Variants in PCDHGB5 observed in about 807,000 individuals in gnomAD.
PCDHGB5 encodes the protein protocadherin gamma subfamily B, 5.
PCDHGB5 carries 48 observed loss-of-function variants against 62.9 expected under a neutral mutation model. The ratio of observed to expected loss-of-function variants is 0.76; its 90% CI spans 0.61 to 0.97. The LOEUF is 0.97. Ranked by LOEUF, PCDHGB5 falls within the 50% of genes least tolerant of loss-of-function variation. The pLI is 0.00. For missense variants in PCDHGB5, 1,118 were observed against 1,198.6 expected, an observed-to-expected ratio of 0.93 and a Z score of 0.99; for synonymous variants, 474 against 511.2, an observed-to-expected ratio of 0.93 and a Z score of 0.98.
intron 1 of PCDHGB5, chr5:141,478,583 C>CT (rs754743497): frequency 5.7e-6 from 9 of 1,578,146 alleles, no homozygotes; most frequent in South Asian, 1.1e-5. Flanking sequence ...CCTGTTAGTG[C>CT]TTTTTTATTC....
In PCDHGB5 at chr5:141,511,342, C is replaced by G. The variant is rs2099883728; in HGVS notation, c.*169C>G. The stretch of plus-strand genomic sequence containing the variant: ...AACAAGTGCCCAGTCAGCACCTACC[C>G]CTTCCCCCCCAGGGGGTTGAATATG... On this transcript the variant is annotated 3_prime_UTR_variant, in exon 4 of 4. Coordinates refer to ENST00000617380, the MANE Select transcript of PCDHGB5 (RefSeq NM_018925.3). 1 of 1,424,960 alleles carries G rather than the reference C, an allele frequency of 7.0e-7. No homozygotes were observed. Among genetic ancestry groups the G allele is most frequent in the Admixed American group, 2.6e-5 (1 of 38,556 alleles). 88.3% of individuals were successfully genotyped at this position (1,424,960 alleles called of 1,614,324 possible).
intron 1 of PCDHGB5, chr5:141,421,067 T>G: frequency 1.4e-5 from 8 of 591,772 alleles, no homozygotes; most frequent in Non-Finnish European, 2.3e-5. Flanking sequence ...CAAAGCGGAA[T>G]GAGATGGATA....
intron 1 of PCDHGB5, chr5:141,410,815 T>C: frequency 1.8e-6 from 1 of 553,722 alleles, no homozygotes; most frequent in Non-Finnish European, 2.9e-6. Context: ...TTTTGTAAAA[T>C]AATGTCACCA....
intron 1 of PCDHGB5, among the ~76,000 whole-genome samples, chr5:141,446,149 G>T (rs2098490670): frequency 6.6e-6 from 1 of 152,178 alleles, no homozygotes; most frequent in Non-Finnish European, 1.5e-5. Context: ...GGAATAGGTG[G>T]AATATAAATT....
intron 1 of PCDHGB5, among the ~76,000 whole-genome samples, chr5:141,444,150 GGATTT>G (rs2098419598): frequency 1.8e-5 from 2 of 114,012 alleles, no homozygotes; most frequent in Non-Finnish European, 3.5e-5. Flanking sequence ...TGTGTGTACT[GGATTT>G]TTTTTTTTTT....
chr5:141,466,552 G>C lies in PCDHGB5; in HGVS notation c.2398-28255G>C, dbSNP rs913019489. On this transcript the variant is annotated intron_variant, in intron 1 of 3. Coordinates refer to ENST00000617380, the MANE Select transcript of PCDHGB5 (RefSeq NM_018925.3). ...ATTGATGTAGATGGTCTTTTGCTGTGGGCTTCATCTTCAACATTGTCTCAT... is the reference window on the plus strand; with the variant it reads ...ATTGATGTAGATGGTCTTTTGCTGTCGGCTTCATCTTCAACATTGTCTCAT... 2.6e-5 allele frequency among the ~76,000 whole-genome samples: 4 copies of C among 152,144 alleles called. No homozygotes were observed. The South Asian group carries it at 8.3e-4, about 32-fold the overall frequency.
rs554845172 is a variant in PCDHGB5 at position 141,485,584 on chromosome 5, G to A, written c.2398-9223G>A. Reference sequence around the variant, plus strand: ...ACGCCCCCCGTTTTCCGCGGCAGCAGCTGGACTTGGAAATTGGGGAGGCAG... The same window carrying A: ...ACGCCCCCCGTTTTCCGCGGCAGCAACTGGACTTGGAAATTGGGGAGGCAG... On this transcript the variant is annotated intron_variant, in intron 1 of 3. Transcript: ENST00000617380. The surrounding 1 kb of genome is among the most constrained non-coding windows in gnomAD (Gnocchi z 5.7). The A allele has an allele frequency of 2.9e-5, 46 of 1,612,498 alleles. 1 individual carries two copies. The South Asian group carries it at 4.5e-4, about 16-fold the overall frequency.
At chr5:141,419,378 G>A in intron 1 of PCDHGB5, 3 of 1,613,710 alleles carry the variant, frequency 1.9e-6, no homozygotes, top group Non-Finnish European at 2.5e-6. Context: ...CTACGTGTCC[G>A]TGAGCGCGCA....
chr5:141,417,980 C>G lies in PCDHGB5; in HGVS notation c.2397+17456C>G, dbSNP rs905203424. On this transcript the variant is annotated intron_variant, in intron 1 of 3. Coordinates refer to ENST00000617380, the MANE Select transcript of PCDHGB5 (RefSeq NM_018925.3). ...GATCCGCTACTCGATTCCGGAGGAG[C>G]TGGCCAAGGGCTCGGTGGTGGGGAA... is the stretch of plus-strand genomic sequence containing the variant. The G allele has an allele frequency of 1.9e-6, 3 of 1,613,738 alleles. No individual in the cohort carries two copies. In the African/African-American group the frequency reaches 4.0e-5, roughly 22 times the overall value.
At chr5:141,452,017 C>T (rs181614467) in intron 1 of PCDHGB5, among the ~76,000 whole-genome samples, 10 of 152,344 alleles carry the variant, frequency 6.6e-5, no homozygotes, top group Non-Finnish European at 1.2e-4. Flanking sequence ...CCAGCCCACA[C>T]TCTGGGGAGA....
At chr5:141,460,993 A>T (rs1230217075) in intron 1 of PCDHGB5, among the ~76,000 whole-genome samples, 1 of 143,898 alleles carries the variant, frequency 6.9e-6, no homozygotes, top group South Asian at 2.2e-4. Flanking sequence ...GTATATATAT[A>T]TATGTGTATA....
intron 1 of PCDHGB5, chr5:141,478,597 C>T: frequency 6.4e-7 from 1 of 1,567,010 alleles, no homozygotes; most frequent in Non-Finnish European, 8.7e-7. Flanking sequence ...TTTATTCCTA[C>T]ATCATATTGA....
intron 1 of PCDHGB5, chr5:141,423,100 G>C (rs2096709499): frequency 6.2e-7 from 1 of 1,613,944 alleles, no homozygotes; most frequent in Non-Finnish European, 8.5e-7. Context: ...GGAGCACACG[G>C]GCGAGGTGCG....
At chr5:141,430,573 A>T (rs938248057) in intron 1 of PCDHGB5, 2 of 449,056 alleles carry the variant, frequency 4.5e-6, no homozygotes, top group Non-Finnish European at 7.6e-6. Flanking sequence ...AGAAAAGCGG[A>T]GATCCTGCTC....
In PCDHGB5 at chr5:141,491,961, G is replaced by A. The variant is rs891299192; in HGVS notation, c.2398-2846G>A. 3 of 970,010 alleles carry A rather than the reference G, an allele frequency of 3.1e-6. No individual in the cohort carries two copies. The highest frequency in any genetic ancestry group is 4.3e-6 in the Non-Finnish European group (3 of 693,098). 60.1% of individuals were successfully genotyped at this position (970,010 alleles called of 1,614,324 possible). On this transcript the variant is annotated intron_variant, in intron 1 of 3. Transcript: ENST00000617380. This position sits in a 1 kb window ranked among gnomAD's most constrained non-coding sequence, Gnocchi z 6.9. ...GACCCCCACCCCTACACTCAAAAAAGGCCGGGGCCTCCTTCGAGCTTCCGG... is the reference window on the plus strand; with the variant it reads ...GACCCCCACCCCTACACTCAAAAAAAGCCGGGGCCTCCTTCGAGCTTCCGG...
chr5:141,477,582 A>T lies in PCDHGB5; in HGVS notation c.2398-17225A>T, dbSNP rs567486170. The T allele has an allele frequency of 6.2e-7, 1 of 1,614,190 alleles. No individual in the cohort carries two copies. The highest frequency in any genetic ancestry group is 2.2e-5 in the East Asian group (1 of 44,888). ...GTCTGGGACCCCGACGCCCCGCAGA[A>T]TGCTCGGCTTTCTTTCTTTCTCTTG... On this transcript the variant is annotated intron_variant, in intron 1 of 3. Transcript: ENST00000617380. The surrounding 1 kb of genome is among the most constrained non-coding windows in gnomAD (Gnocchi z 4.9).
chr5:141,408,782 T>G (rs1561715407), intron 1 of PCDHGB5: 1 of 1,612,108 alleles, frequency 6.2e-7, no homozygotes, highest in East Asian at 2.2e-5. Flanking sequence ...ATACCCAGAG[T>G]TATCTCTGGA....
chr5:141,487,748 T>A lies in PCDHGB5; in HGVS notation c.2398-7059T>A, dbSNP rs1458153935. ...TGTCACCATTTTTGTAAGAGGTAACTATGTGGTAGACGCTGTGCTTTGTAA... is the reference window on the plus strand; with the variant it reads ...TGTCACCATTTTTGTAAGAGGTAACAATGTGGTAGACGCTGTGCTTTGTAA... On this transcript the variant is annotated intron_variant, in intron 1 of 3. Transcript: ENST00000617380. This position sits in a 1 kb window ranked among gnomAD's most constrained non-coding sequence, Gnocchi z 5.0. 6.4e-7 allele frequency: 1 copy of A among 1,557,554 alleles called. No homozygotes were observed. The highest frequency in any genetic ancestry group is 1.2e-5 in the South Asian group (1 of 84,814).
At position 141,486,602 on chromosome 5, in the gene PCDHGB5, C is replaced by T; in HGVS notation, c.2398-8205C>T. The stretch of plus-strand genomic sequence containing the variant: ...TCGCCCAGGGGACCTGCTTTGCTCC[C>T]TTGCAGCCTCTGACCCAGACTCTGG... On this transcript the variant is annotated intron_variant, in intron 1 of 3. Transcript: ENST00000617380. The surrounding 1 kb of genome is among the most constrained non-coding windows in gnomAD (Gnocchi z 5.0). 6.2e-7 allele frequency: 1 copy of T among 1,613,572 alleles called. No homozygotes were observed. Among genetic ancestry groups the T allele is most frequent in the Non-Finnish European group, 8.5e-7 (1 of 1,180,026 alleles).
Sources: gnomAD v4.1 joint callset for allele counts (sites outside exome capture counted in the v4.1 genomes callset) on GRCh38, gnomAD v4.1.1 for gene constraint, Gnocchi (gnomAD v3.1) non-coding constraint, MANE v1.5 for transcripts, NCBI Gene and HGNC (gene_info 2026-07-23, HGNC 2026-07-21) for gene names.